USP24: variants seen among roughly 807,000 people sequenced by gnomAD.
USP24 encodes ubiquitin specific peptidase 24.
Under a neutral mutation model 361.6 loss-of-function variants are expected in USP24, and 97 were observed. The ratio of observed to expected loss-of-function variants is 0.27; its 90% CI spans 0.23 to 0.32. The LOEUF is 0.32. Ranked by LOEUF, USP24 falls within the 10% of genes least tolerant of loss-of-function variation. The pLI, the probability that USP24 is intolerant of heterozygous loss-of-function variation, is 1.00. For synonymous variants in USP24, 1,098 were observed against 1,124.6 expected (o/e 0.98, Z 0.47); for missense variants, 2,353 against 3,165.6 (o/e 0.74, Z 6.16).
At chr1:55,131,042 C>T (rs925030734) in intron 31 of USP24, among the ~76,000 whole-genome samples, 1 of 152,128 alleles carries the variant, frequency 6.6e-6, no homozygotes, top group Non-Finnish European at 1.5e-5. Flanking sequence ...ACAAGCTAGA[C>T]CCATTGTTGG....
chr1:55,185,228 C>T (rs953742771), intron 1 of USP24, among the ~76,000 whole-genome samples: 4 of 152,018 alleles, frequency 2.6e-5, no homozygotes, highest in African/African-American at 9.7e-5. Context: ...GCTGGGATTA[C>T]AGGTGTGAGC....
At chr1:55,174,807 T>G (rs1225923032) in intron 3 of USP24, among the ~76,000 whole-genome samples, 2 of 92,480 alleles carry the variant, frequency 2.2e-5, no homozygotes, top group Non-Finnish European at 4.3e-5. Context: ...TTTTTTTAAA[T>G]TTTGTAGAGA....
intron 5 of USP24, among the ~76,000 whole-genome samples, chr1:55,169,835 C>G (rs1158111439): frequency 1.3e-5 from 2 of 152,126 alleles, no homozygotes; most frequent in African/African-American, 4.8e-5. Flanking sequence ...GCACTATCAA[C>G]TTTACCGGGT....
chr1:55,123,093 C>T (rs1646329014), intron 36 of USP24, among the ~76,000 whole-genome samples: 2 of 152,280 alleles, frequency 1.3e-5, no homozygotes, highest in South Asian at 2.1e-4. Context: ...TCTTAAGTTA[C>T]ACAATTTTTA....
chr1:55,188,748 C>T (rs1569684938), intron 1 of USP24, among the ~76,000 whole-genome samples: 1 of 151,680 alleles, frequency 6.6e-6, no homozygotes, highest in African/African-American at 2.4e-5. Flanking sequence ...TGCCTGAGAT[C>T]AGGAGTTCGA....
At chr1:55,120,861 T>G in intron 37 of USP24, 105 bp from the exon 38 acceptor site, 1 of 1,332,252 alleles carries the variant, frequency 7.5e-7, no homozygotes, top group South Asian at 1.6e-5. Context: ...TCAATCAAGT[T>G]ATTGAAGGAT....
At chr1:55,124,996 T>C (rs1646385938) in intron 34 of USP24, among the ~76,000 whole-genome samples, 1 of 152,198 alleles carries the variant, frequency 6.6e-6, no homozygotes, top group Non-Finnish European at 1.5e-5. Flanking sequence ...TATCTCTGTA[T>C]ATCTAATCCT....
intron 67 of USP24, 51 bp downstream of exon 67, chr1:55,071,763 G>A: frequency 6.5e-7 from 1 of 1,529,732 alleles, no homozygotes; most frequent in Non-Finnish European, 8.9e-7. Context: ...TTTTTGGAAA[G>A]CTTAAGAGCA....
At chr1:55,115,959 T>C (rs950108867) in intron 38 of USP24, among the ~76,000 whole-genome samples, 3 of 151,652 alleles carry the variant, frequency 2.0e-5, no homozygotes, top group East Asian at 1.9e-4. Flanking sequence ...TAAGTGGGAG[T>C]TGAATAATGA....
At chr1:55,204,002 G>T (rs909584960) in intron 1 of USP24, among the ~76,000 whole-genome samples, 22 of 152,140 alleles carry the variant, frequency 1.4e-4, no homozygotes, top group Admixed American at 1.3e-3. Flanking sequence ...ATTTCAAAAT[G>T]AGGTAGACAT....
intron 48 of USP24, 81 bp downstream of exon 48, chr1:55,097,517 A>T: frequency 6.7e-7 from 1 of 1,495,650 alleles, no homozygotes; most frequent in South Asian, 1.4e-5. Context: ...TAGACAGAAT[A>T]TGAAAATTGA....
chr1:55,077,345 T>A, intron 61 of USP24, 45 bp from the exon 62 acceptor site: 1 of 1,506,040 alleles, frequency 6.6e-7, no homozygotes, highest in Non-Finnish European at 9.0e-7. Context: ...GGAAAGCATA[T>A]TGGAATGGCA....
At chr1:55,171,736 G>C in intron 4 of USP24, 58 bp from the exon 5 acceptor site, 1 of 1,525,280 alleles carries the variant, frequency 6.6e-7, no homozygotes, top group Non-Finnish European at 8.9e-7. Context: ...ACACATATTA[G>C]CATTAGAAAA....
intron 7 of USP24, among the ~76,000 whole-genome samples, chr1:55,164,909 A>G (rs1648671833): frequency 6.6e-6 from 1 of 151,810 alleles, no homozygotes; most frequent in Non-Finnish European, 1.5e-5. Flanking sequence ...AACATACTTG[A>G]TCTATTGAAT....
chr1:55,141,818 G>T, intron 23 of USP24, 87 bp from the exon 24 acceptor site: 1 of 1,236,112 alleles, frequency 8.1e-7, no homozygotes, highest in Non-Finnish European at 1.2e-6. Flanking sequence ...TGCTGTTGCA[G>T]AGGGCTGTCC....
rs1483028064 is a variant in USP24, at chr1:55,092,175, GATT to G, written c.6451-52_6451-50del. On this transcript the variant is annotated intron_variant, in intron 53 of 67. Coordinates refer to ENST00000294383, the MANE Select transcript of USP24 (RefSeq NM_015306.3). Reference sequence around the variant, plus strand: ...GGATATTTTTCACAGAAGTTTTATAGATTATTACACAGTTACGAACTAAATTAT... The same window carrying G: ...GGATATTTTTCACAGAAGTTTTATAGATTACACAGTTACGAACTAAATTAT... The G allele has an allele frequency of 3.4e-5, 40 of 1,190,054 alleles. No homozygotes were observed. The African/African-American group carries it at 5.5e-4, about 16-fold the overall frequency. The allele number at this position is 1,190,054 out of a possible 1,614,324, so 73.7% of individuals were successfully genotyped here.
chr1:55,089,776 A>AT (rs769876796), intron 54 of USP24, 36 bp from the exon 55 acceptor site: 2 of 1,472,378 alleles, frequency 1.4e-6, no homozygotes, highest in African/African-American at 1.4e-5. Context: ...TGTTAGGAGC[A>AT]TAAGCCCAGC....
At chr1:55,097,245 C>A in intron 48 of USP24, 73 bp from the exon 49 acceptor site, 1 of 1,484,530 alleles carries the variant, frequency 6.7e-7, no homozygotes, top group Non-Finnish European at 9.2e-7. Flanking sequence ...AAGTGAGATC[C>A]AAATAAGAGG....
At chr1:55,166,714 G>A in intron 5 of USP24, 111 bp from the exon 6 acceptor site, 1 of 1,114,298 alleles carries the variant, frequency 9.0e-7, no homozygotes, top group Non-Finnish European at 1.3e-6. Flanking sequence ...TAAAAGTTTG[G>A]AAACTATTTT....
Sources: allele counts gnomAD v4.1 joint callset (sites outside exome capture counted in the v4.1 genomes callset), GRCh38; gene constraint gnomAD v4.1.1; transcripts MANE v1.5; gene names NCBI Gene and HGNC (gene_info 2026-07-23, HGNC 2026-07-21).